GPR174: variants seen among roughly 807,000 people sequenced by gnomAD.
GPR174 encodes probable G protein-coupled receptor 174.
Under a neutral mutation model 16.5 loss-of-function variants are expected in GPR174, and 8 were observed. That is an observed-to-expected ratio of 0.48 (90% CI 0.28 to 0.87). GPR174 has a LOEUF of 0.87. GPR174 is among the 40% of genes least tolerant of loss of function. GPR174 has a pLI of 0.09. For missense variants in GPR174, 214 were observed against 247.5 expected, an observed-to-expected ratio of 0.86 and a Z score of 0.91; for synonymous variants, 111 against 94.8, an observed-to-expected ratio of 1.17 and a Z score of -0.99.
rs1921543387 is a variant in GPR174, at chrX:79,172,510, A to C, written c.*501A>C. 2 of 113,419 alleles carry C rather than the reference A, an allele frequency of 1.8e-5. No individual in the cohort carries two copies. The highest frequency in any genetic ancestry group is 3.7e-5 in the Non-Finnish European group (2 of 54,120). The allele number at this position is 113,419 out of a possible 1,213,427, so 9.3% of individuals were successfully genotyped here. A position where few individuals can be genotyped will look rare whatever the true frequency, so the allele number is the denominator to read the frequency against. ...TACCCTGTGTAAAGAAAATGTAAAC[A>C]TAAGATCATTTTTATCTCTCAAGTG... On this transcript the variant is annotated 3_prime_UTR_variant, in exon 3 of 3. Transcript: ENST00000645147.
intron 1 of GPR174, among the ~76,000 whole-genome samples, chrX:79,154,926 G>A (rs1921062193): frequency 1.8e-5 from 2 of 111,119 alleles, no homozygotes; most frequent in South Asian, 7.6e-4. Flanking sequence ...GAAGTATATG[G>A]CTATCCTGGA....
At chrX:79,168,037 CA>C (rs1921419228) in intron 2 of GPR174, among the ~76,000 whole-genome samples, 1 of 112,158 alleles carries the variant, frequency 8.9e-6, no homozygotes, top group African/African-American at 3.2e-5. Flanking sequence ...AAATACTTTT[CA>C]AAGCATTTTA....
Position 79,173,612 on chromosome X carries a change from A to T in GPR174, c.*1603A>T, listed in dbSNP as rs1188421701. 8.9e-6 allele frequency: 1 copy of T among 112,094 alleles called. No homozygotes were observed. The highest frequency in any genetic ancestry group is 9.5e-5 in the Admixed American group (1 of 10,580). 9.2% of individuals were successfully genotyped at this position (112,094 alleles called of 1,213,427 possible). A position where few individuals can be genotyped will look rare whatever the true frequency, so the allele number is the denominator to read the frequency against. On this transcript the variant is annotated 3_prime_UTR_variant, in exon 3 of 3. Coordinates refer to ENST00000645147, the MANE Select transcript of GPR174 (RefSeq NM_032553.3). The stretch of plus-strand genomic sequence containing the variant: ...AATACATTAGGGGAAAACTGGTGAC[A>T]TCAAAATGAATTCTAATATCTAGAC...
At chrX:79,165,125 T>G (rs1433944862) in intron 2 of GPR174, among the ~76,000 whole-genome samples, 1 of 110,975 alleles carries the variant, frequency 9.0e-6, no homozygotes, top group Non-Finnish European at 1.9e-5. Context: ...TCATTTTCAT[T>G]AGGATTCTTT....
At chrX:79,168,982 A>T (rs1921443414) in intron 2 of GPR174, among the ~76,000 whole-genome samples, 1 of 111,521 alleles carries the variant, frequency 9.0e-6, no homozygotes, top group Non-Finnish European at 1.9e-5. Context: ...TACTTTTGAA[A>T]CATAAGTACA....
At chrX:79,162,410 A>T (rs1921257121) in intron 2 of GPR174, among the ~76,000 whole-genome samples, 1 of 112,017 alleles carries the variant, frequency 8.9e-6, no homozygotes, top group African/African-American at 3.2e-5. Flanking sequence ...TATCAGTTTA[A>T]AAAAAAGGTT....
In GPR174 at chrX:79,171,885, A is replaced by G. The variant is rs773595501; in HGVS notation, c.878A>G (p.Tyr293Cys). 1.7e-6 allele frequency: 2 copies of G among 1,211,171 alleles called. No individual in the cohort carries two copies. Among genetic ancestry groups the G allele is most frequent in the Non-Finnish European group, 2.2e-6 (2 of 895,208 alleles). ...LNSCLDPVIY[Y>C]FSTNEFRRRL... ...TCATGTCTTGACCCAGTCATATACT[A>G]CTTTTCCACTAATGAGTTCCGAAGA... The change falls in exon 3 of 3, where the codon TAC (tyrosine) becomes TGC (cysteine). Residue 293 changes from tyrosine to cysteine, a missense_variant. Physicochemically the swap from Tyr to Cys is radical, Grantham distance 194. Transcript: ENST00000645147.
chrX:79,153,801 A>G (rs189533692), intron 1 of GPR174, among the ~76,000 whole-genome samples: 27 of 111,668 alleles, frequency 2.4e-4, no homozygotes, highest in Admixed American at 2.2e-3. Context: ...TGAGGAAATG[A>G]ACAAAGGCCT....
intron 2 of GPR174, among the ~76,000 whole-genome samples, chrX:79,163,635 T>A (rs1186975036): frequency 8.9e-6 from 1 of 112,301 alleles, no homozygotes; most frequent in East Asian, 2.8e-4. Context: ...GATCCCAATA[T>A]CAAATTGTGT....
rs1569282395 is a variant in GPR174, at chrX:79,170,762, C to G, written c.-246C>G. ...AGGGGAAATTGTAACAGCTTGTCAT[C>G]TGTGCTTGTACACTAGACTTCCATG... On this transcript the variant is annotated 5_prime_UTR_variant, in exon 3 of 3. The change creates a new upstream start codon in the 5' untranslated region. Transcript: ENST00000645147. 2.8e-6 allele frequency: 1 copy of G among 361,003 alleles called. No homozygotes were observed. Among genetic ancestry groups the G allele is most frequent in the Non-Finnish European group, 4.7e-6 (1 of 211,419 alleles). 29.8% of individuals were successfully genotyped at this position (361,003 alleles called of 1,213,427 possible).
At chrX:79,163,876 G>C (rs1305093492) in intron 2 of GPR174, among the ~76,000 whole-genome samples, 1 of 111,326 alleles carries the variant, frequency 9.0e-6, no homozygotes, top group East Asian at 2.8e-4. Flanking sequence ...TTGTACAGGA[G>C]AGCAAAATGT....
At position 79,172,847 on chromosome X, in the gene GPR174, A is replaced by C. The variant is rs1372507438; in HGVS notation, c.*838A>C. On this transcript the variant is annotated 3_prime_UTR_variant, in exon 3 of 3. Transcript: ENST00000645147. ...CTCTCTTACACTTTTTCTAAAGAAC[A>C]CTTCTGGAGATGTATGGACCCGCCT... The C allele has an allele frequency of 9.0e-6, 1 of 111,156 alleles. No homozygotes were observed. The highest frequency in any genetic ancestry group is 2.8e-4 in the East Asian group (1 of 3,545). The allele number at this position is 111,156 out of a possible 1,213,427, so 9.2% of individuals were successfully genotyped here. A position where few individuals can be genotyped will look rare whatever the true frequency, so the allele number is the denominator to read the frequency against.
chrX:79,160,351 G>T (rs748355487), intron 2 of GPR174, among the ~76,000 whole-genome samples: 5 of 111,358 alleles, frequency 4.5e-5, no homozygotes, highest in African/African-American at 9.8e-5. Context: ...TTCTAAAAGA[G>T]AATTCCAAAA....
chrX:79,154,421 A>G (rs987581822), intron 1 of GPR174, among the ~76,000 whole-genome samples: 4 of 111,605 alleles, frequency 3.6e-5, no homozygotes, highest in Non-Finnish European at 7.5e-5. Context: ...AACACTCGCT[A>G]TAAGGGATAT....
At chrX:79,152,052 A>G (rs1256134005) in intron 1 of GPR174, among the ~76,000 whole-genome samples, 5 of 112,177 alleles carry the variant, frequency 4.5e-5, no homozygotes, top group African/African-American at 1.3e-4. Context: ...AACTCCAGAT[A>G]TGAGCCTCTG....
chrX:79,155,243 A>G (rs904130984), intron 1 of GPR174, among the ~76,000 whole-genome samples: 8 of 111,361 alleles, frequency 7.2e-5, no homozygotes, highest in African/African-American at 2.3e-4. Flanking sequence ...CCAGCAAGGA[A>G]TATAACTTTG....
At position 79,170,752 on chromosome X, in the gene GPR174, A is replaced by G. The variant is rs1404780458; in HGVS notation, c.-256A>G. The G allele has an allele frequency of 2.8e-6, 1 of 351,698 alleles. No individual in the cohort carries two copies. The highest frequency in any genetic ancestry group is 2.6e-5 in the African/African-American group (1 of 38,339). 29.0% of individuals were successfully genotyped at this position (351,698 alleles called of 1,213,427 possible). The stretch of plus-strand genomic sequence containing the variant: ...AATAAACAAGAGGGGAAATTGTAAC[A>G]GCTTGTCATCTGTGCTTGTACACTA... On this transcript the variant is annotated 5_prime_UTR_variant, in exon 3 of 3. Coordinates refer to ENST00000645147, the MANE Select transcript of GPR174 (RefSeq NM_032553.3).
intron 1 of GPR174, among the ~76,000 whole-genome samples, chrX:79,149,885 C>T (rs1179850878): frequency 9.6e-6 from 1 of 104,194 alleles, no homozygotes; most frequent in African/African-American, 3.5e-5. Context: ...ATTCTGTAAC[C>T]TGCAGAGAGA....
intron 2 of GPR174, among the ~76,000 whole-genome samples, chrX:79,166,464 G>A (rs1460738828): frequency 3.5e-5 from 2 of 57,709 alleles, no homozygotes; most frequent in African/African-American, 1.5e-4. Flanking sequence ...TTTTTGAGAC[G>A]CGTCTCACTC....
Sources: allele counts gnomAD v4.1 joint callset (sites outside exome capture counted in the v4.1 genomes callset), GRCh38; gene constraint gnomAD v4.1.1; transcripts MANE v1.5; gene names NCBI Gene and HGNC (gene_info 2026-07-23, HGNC 2026-07-21).